TMEM41B: variants seen among roughly 807,000 people sequenced by gnomAD.
The protein encoded by TMEM41B is transmembrane protein 41B, also known as protein stasimon.
Under a neutral mutation model 31.9 loss-of-function variants are expected in TMEM41B, and 18 were observed. That is an observed-to-expected ratio of 0.56 (90% CI 0.39 to 0.84). The LOEUF is 0.84. TMEM41B is among the 40% of genes least tolerant of loss of function. The pLI is 0.00. For synonymous variants in TMEM41B, 144 were observed against 124.3 expected (o/e 1.16, Z -1.05); for missense variants, 322 against 348.0 (o/e 0.93, Z 0.59).
At chr11:9,291,834 A>C (rs1042710447) in intron 3 of TMEM41B, among the ~76,000 whole-genome samples, 6 of 151,992 alleles carry the variant, frequency 3.9e-5, no homozygotes. Flanking sequence ...CAGCCTCCCA[A>C]GTAGTTGGAA....
At chr11:9,310,379 G>C (rs1236313465) in intron 1 of TMEM41B, among the ~76,000 whole-genome samples, 1 of 131,486 alleles carries the variant, frequency 7.6e-6, no homozygotes, top group East Asian at 2.4e-4. Context: ...TATAACTCAA[G>C]GAAAGATTAA....
At chr11:9,303,720 T>C (rs1853314105) in intron 1 of TMEM41B, among the ~76,000 whole-genome samples, 1 of 143,214 alleles carries the variant, frequency 7.0e-6, no homozygotes, top group African/African-American at 2.6e-5. Context: ...CAGTCTGGAG[T>C]GCAGTGACAG....
chr11:9,289,048 G>A (rs545041789), intron 3 of TMEM41B, among the ~76,000 whole-genome samples: 13 of 152,330 alleles, frequency 8.5e-5, no homozygotes, highest in African/African-American at 2.6e-4. Context: ...TTGTCACCCA[G>A]GCTGGAACGC....
chr11:9,296,135 G>A (rs1007067721), intron 2 of TMEM41B, among the ~76,000 whole-genome samples: 1 of 152,036 alleles, frequency 6.6e-6, no homozygotes, highest in Non-Finnish European at 1.5e-5. Context: ...GGGATTACAG[G>A]AGTAAGCCAC....
chr11:9,301,766 G>A (rs1853266182), intron 1 of TMEM41B, among the ~76,000 whole-genome samples: 2 of 152,156 alleles, frequency 1.3e-5, no homozygotes, highest in East Asian at 1.9e-4. Context: ...GATACTGGTT[G>A]TCAAGCGATA....
chr11:9,305,585 TATTA>T (rs1424397914), intron 1 of TMEM41B, among the ~76,000 whole-genome samples: 5 of 152,154 alleles, frequency 3.3e-5, no homozygotes, highest in East Asian at 1.9e-4. Context: ...GGGCAACAGA[TATTA>T]ATTATAGATG....
At chr11:9,290,136 T>G (rs1241432795) in intron 3 of TMEM41B, among the ~76,000 whole-genome samples, 1 of 152,016 alleles carries the variant, frequency 6.6e-6, no homozygotes, top group African/African-American at 2.4e-5. Context: ...ATCCCAGCAC[T>G]TAGGGAGTCT....
intron 2 of TMEM41B, among the ~76,000 whole-genome samples, chr11:9,297,381 G>C (rs1261537965): frequency 2.6e-4 from 40 of 152,186 alleles, no homozygotes; most frequent in Non-Finnish European, 2.9e-5. Context: ...CACCGCGCCA[G>C]GCCGCTCTGC....
intron 1 of TMEM41B, among the ~76,000 whole-genome samples, chr11:9,306,829 T>G (rs1302667216): frequency 1.3e-5 from 2 of 152,226 alleles, no homozygotes; most frequent in Admixed American, 1.3e-4. Flanking sequence ...ACTTTAAGCC[T>G]TTGATTTTAC....
intron 2 of TMEM41B, among the ~76,000 whole-genome samples, chr11:9,298,316 G>A (rs1453081790): frequency 3.3e-5 from 5 of 150,436 alleles, no homozygotes; most frequent in South Asian, 2.1e-4. Flanking sequence ...AAAATTAGCC[G>A]GGTGTGGTGG....
intron 2 of TMEM41B, among the ~76,000 whole-genome samples, chr11:9,297,368 A>C (rs1417528063): frequency 1.3e-5 from 2 of 152,166 alleles, no homozygotes; most frequent in Non-Finnish European, 2.9e-5. Context: ...TACAGGCATG[A>C]GCCACCGCGC....
chr11:9,286,706 A>C, intron 5 of TMEM41B, 113 bp from the exon 6 acceptor site: 1 of 1,119,450 alleles, frequency 8.9e-7, no homozygotes, highest in Non-Finnish European at 1.2e-6. Flanking sequence ...AGTATACCCA[A>C]TAGAAATGAT....
At chr11:9,287,221 G>GA (rs1852856199) in intron 5 of TMEM41B, among the ~76,000 whole-genome samples, 1 of 152,098 alleles carries the variant, frequency 6.6e-6, no homozygotes, top group South Asian at 2.1e-4. Context: ...GCAGGCAGGA[G>GA]AAATGCTTGA....
At chr11:9,304,167 T>C (rs920264390) in intron 1 of TMEM41B, among the ~76,000 whole-genome samples, 4 of 152,216 alleles carry the variant, frequency 2.6e-5, no homozygotes, top group African/African-American at 9.6e-5. Flanking sequence ...GACGTATTGA[T>C]ATGTATGCTT....
At position 9,281,072 on chromosome 11, in the gene TMEM41B, G is replaced by A. The variant is rs1291726162; in HGVS notation, c.*2352C>T. 6.6e-6 allele frequency: 1 copy of A among 152,060 alleles called. No homozygotes were observed. The highest frequency in any genetic ancestry group is 6.6e-5 in the Admixed American group (1 of 15,244). The allele number at this position is 152,060 out of a possible 1,614,324, so 9.4% of individuals were successfully genotyped here. A position where few individuals can be genotyped will look rare whatever the true frequency, so the allele number is the denominator to read the frequency against. ...ATTAACAAAAAAAAAAATTAGCAAAGGGAAAGAATCAATGGTAAGGACAGT... is the reference window on the plus strand; with the variant it reads ...ATTAACAAAAAAAAAAATTAGCAAAAGGAAAGAATCAATGGTAAGGACAGT... On this transcript the variant is annotated 3_prime_UTR_variant, in exon 7 of 7. Transcript: ENST00000528080.
intron 1 of TMEM41B, among the ~76,000 whole-genome samples, chr11:9,305,941 G>T: frequency 6.8e-6 from 1 of 148,146 alleles, no homozygotes. Context: ...ACACACATGT[G>T]CCTTTTAGCA....
chr11:9,314,430 G>A lies in TMEM41B; in HGVS notation c.12C>T (p.Gly4=), dbSNP rs1224428963. 1.3e-6 allele frequency: 2 copies of A among 1,558,618 alleles called. No individual in the cohort carries two copies. The highest frequency in any genetic ancestry group is 1.9e-5 in the Admixed American group (1 of 52,462). The change falls in exon 1 of 7, where the codon GGC becomes GGT. Residue 4 remains glycine, a synonymous_variant. Transcript: ENST00000528080. MAK[G]RVAERSQLGA... Reference sequence around the variant, plus strand: ...CCAACTGCGATCGTTCGGCGACTCTGCCTTTCGCCATGGCTGCTGCAAGGT... The same window carrying A: ...CCAACTGCGATCGTTCGGCGACTCTACCTTTCGCCATGGCTGCTGCAAGGT...
At chr11:9,306,161 T>C (rs903057429) in intron 1 of TMEM41B, among the ~76,000 whole-genome samples, 1 of 151,616 alleles carries the variant, frequency 6.6e-6, no homozygotes. Context: ...GTATTTTTAG[T>C]AGAGACGGGG....
chr11:9,304,424 T>G (rs1246714658), intron 1 of TMEM41B, among the ~76,000 whole-genome samples: 1 of 152,144 alleles, frequency 6.6e-6, no homozygotes, highest in Non-Finnish European at 1.5e-5. Flanking sequence ...TAAATCCAAT[T>G]GAATAAAAAA....
Sources: gnomAD v4.1 joint callset for allele counts (sites outside exome capture counted in the v4.1 genomes callset) on GRCh38, gnomAD v4.1.1 for gene constraint, MANE v1.5 for transcripts, NCBI Gene and HGNC (gene_info 2026-07-23, HGNC 2026-07-21) for gene names.